Variants in FBXW7 observed in about 807,000 individuals in gnomAD.
FBXW7 encodes F-box and WD repeat domain containing 7.
A neutral mutation model predicts 86.3 loss-of-function variants in FBXW7; 11 were observed. That is an observed-to-expected ratio of 0.13 (90% CI 0.08 to 0.21). The LOEUF is 0.21. Ranked by LOEUF, FBXW7 falls within the 10% of genes least tolerant of loss-of-function variation. The pLI is 1.00. For synonymous variants in FBXW7, 313 were observed against 297.9 expected (o/e 1.05, Z -0.52); for missense variants, 488 against 847.4 (o/e 0.58, Z 5.27).
chr4:152,518,688 T>C (rs977919524), intron 2 of FBXW7, among the ~76,000 whole-genome samples: 4 of 152,244 alleles, frequency 2.6e-5, no homozygotes, highest in African/African-American at 9.6e-5. Flanking sequence ...AAAGTTCAAA[T>C]GTATTTAACT....
chr4:152,380,109 G>A (rs1734921307), intron 4 of FBXW7, among the ~76,000 whole-genome samples: 1 of 152,094 alleles, frequency 6.6e-6, no homozygotes, highest in African/African-American at 2.4e-5. Context: ...GAAAAAAGTG[G>A]TCTGTAAAAT....
intron 2 of FBXW7, among the ~76,000 whole-genome samples, chr4:152,464,066 G>A (rs1377830980): frequency 5.9e-5 from 9 of 152,188 alleles, no homozygotes; most frequent in African/African-American, 1.9e-4. Context: ...GGAAATAATA[G>A]CATGTTTACG....
chr4:152,431,401 T>C (rs144812076), intron 2 of FBXW7, among the ~76,000 whole-genome samples: 9 of 152,156 alleles, frequency 5.9e-5, no homozygotes, highest in Admixed American at 4.6e-4. Context: ...AAAAGCTGAT[T>C]TGTTAATATC....
At chr4:152,357,945 A>G (rs1485308076) in intron 4 of FBXW7, among the ~76,000 whole-genome samples, 2 of 152,208 alleles carry the variant, frequency 1.3e-5, no homozygotes, top group Admixed American at 6.5e-5. Context: ...TCAGACTAAT[A>G]CTAAGTCAAC....
intron 2 of FBXW7, among the ~76,000 whole-genome samples, chr4:152,430,518 T>C (rs78204366): frequency 1.3e-5 from 2 of 150,066 alleles, no homozygotes; most frequent in Non-Finnish European, 3.0e-5. Context: ...TTTCTTACCA[T>C]TAAAAAAAAA....
chr4:152,421,833 C>T (rs908335078), intron 2 of FBXW7, among the ~76,000 whole-genome samples: 1 of 152,122 alleles, frequency 6.6e-6, no homozygotes, highest in African/African-American at 2.4e-5. Context: ...GGTCAGAATA[C>T]ATACAACATT....
At chr4:152,534,457 T>C (rs1750303309) in intron 2 of FBXW7, among the ~76,000 whole-genome samples, 1 of 152,186 alleles carries the variant, frequency 6.6e-6, no homozygotes, top group South Asian at 2.1e-4. Context: ...CAATAGGTAC[T>C]GAAATGAACC....
chr4:152,415,743 A>G (rs1056092039), intron 2 of FBXW7, among the ~76,000 whole-genome samples: 3 of 151,284 alleles, frequency 2.0e-5, no homozygotes, highest in African/African-American at 7.3e-5. Context: ...ATATTTTACT[A>G]CTCTCTCACT....
At chr4:152,497,921 CAT>C (rs750384701) in intron 2 of FBXW7, among the ~76,000 whole-genome samples, 5 of 152,162 alleles carry the variant, frequency 3.3e-5, no homozygotes, top group Non-Finnish European at 7.4e-5. Flanking sequence ...TAAATCTACA[CAT>C]GTCAATATGA....
chr4:152,383,970 C>T (rs1047708167), intron 4 of FBXW7, among the ~76,000 whole-genome samples: 3 of 152,068 alleles, frequency 2.0e-5, no homozygotes, highest in South Asian at 2.1e-4. Context: ...AGCCACAATG[C>T]GCTACCACTT....
At chr4:152,512,349 G>C (rs966179915) in intron 2 of FBXW7, among the ~76,000 whole-genome samples, 1 of 152,162 alleles carries the variant, frequency 6.6e-6, no homozygotes, top group Non-Finnish European at 1.5e-5. Flanking sequence ...GTTACACTTT[G>C]TAAGACTGAA....
chr4:152,361,775 C>A (rs1004529834), intron 4 of FBXW7, among the ~76,000 whole-genome samples: 1 of 151,802 alleles, frequency 6.6e-6, no homozygotes, highest in Admixed American at 6.6e-5. Flanking sequence ...GGAGACCAGC[C>A]TGGCCAAGAG....
intron 4 of FBXW7, among the ~76,000 whole-genome samples, chr4:152,374,347 T>C (rs1734289510): frequency 6.6e-6 from 1 of 152,098 alleles, no homozygotes; most frequent in Non-Finnish European, 1.5e-5. Context: ...CTATACCATG[T>C]GTGTTTCTTT....
chr4:152,459,130 G>A (rs1459582798), intron 2 of FBXW7, among the ~76,000 whole-genome samples: 2 of 152,108 alleles, frequency 1.3e-5, no homozygotes, highest in Non-Finnish European at 2.9e-5. Context: ...TACTGTCTAA[G>A]TTACTACCCA....
chr4:152,481,825 G>A (rs573804061), intron 2 of FBXW7, among the ~76,000 whole-genome samples: 6 of 152,300 alleles, frequency 3.9e-5, no homozygotes, highest in East Asian at 1.9e-4. Flanking sequence ...TAATGGCTGA[G>A]GTGTTGCTTC....
intron 2 of FBXW7, among the ~76,000 whole-genome samples, chr4:152,453,928 T>C (rs1199006889): frequency 2.6e-5 from 4 of 152,138 alleles, no homozygotes; most frequent in African/African-American, 9.7e-5. Context: ...AATATTGCTT[T>C]ATCTATCTTT....
chr4:152,343,559 A>C (rs185144757), intron 6 of FBXW7, among the ~76,000 whole-genome samples: 82 of 152,328 alleles, frequency 5.4e-4, no homozygotes, highest in African/African-American at 1.8e-3. Flanking sequence ...TCAAAATTTG[A>C]ACTAAGAACT....
At chr4:152,390,022 A>G (rs1422297112) in intron 4 of FBXW7, among the ~76,000 whole-genome samples, 1 of 152,022 alleles carries the variant, frequency 6.6e-6, no homozygotes, top group African/African-American at 2.4e-5. Context: ...TGATTTTTAA[A>G]AAAATTTTTA....
intron 4 of FBXW7, among the ~76,000 whole-genome samples, chr4:152,405,127 A>G (rs2126855142): frequency 1.3e-5 from 2 of 151,524 alleles, no homozygotes; most frequent in East Asian, 3.9e-4. Context: ...AAGAGGTGAA[A>G]TGACAACTGT....
Sources: allele counts gnomAD v4.1 joint callset (sites outside exome capture counted in the v4.1 genomes callset), GRCh38; gene constraint gnomAD v4.1.1; transcripts MANE v1.5; gene names NCBI Gene and HGNC (gene_info 2026-07-23, HGNC 2026-07-21).